AGBL4: variants seen among roughly 807,000 people sequenced by gnomAD.
The protein encoded by AGBL4 is AGBL carboxypeptidase 4.
AGBL4 carries 58 observed loss-of-function variants against 66.4 expected under a neutral mutation model. The ratio of observed to expected loss-of-function variants is 0.87; its 90% CI spans 0.71 to 1.09. The LOEUF is 1.09. AGBL4 is among the 50% of genes least tolerant of loss of function. The probability of loss-of-function intolerance (pLI) is 0.00; values close to 1 mark genes in which losing one functional copy is unlikely to be tolerated. For synonymous variants in AGBL4, 234 were observed against 222.9 expected (o/e 1.05, Z -0.44); for missense variants, 579 against 631.0 (o/e 0.92, Z 0.88).
chr1:48,717,884 G>A (rs936068075), intron 6 of AGBL4, among the ~76,000 whole-genome samples: 1 of 152,156 alleles, frequency 6.6e-6, no homozygotes, highest in Non-Finnish European at 1.5e-5. Context: ...TCTTCATCAG[G>A]AGAAATATAG....
intron 2 of AGBL4, among the ~76,000 whole-genome samples, chr1:49,735,888 A>G (rs1649846994): frequency 6.6e-6 from 1 of 152,146 alleles, no homozygotes; most frequent in Non-Finnish European, 1.5e-5. Context: ...AAAAAGAACA[A>G]CTTAATTGAA....
intron 3 of AGBL4, among the ~76,000 whole-genome samples, chr1:49,325,007 A>G: frequency 6.6e-6 from 1 of 152,192 alleles, no homozygotes. Context: ...TTATCTTAAT[A>G]TATCAGCACT....
At chr1:49,066,022 G>A (rs563230502) in intron 4 of AGBL4, among the ~76,000 whole-genome samples, 2 of 152,274 alleles carry the variant, frequency 1.3e-5, no homozygotes, top group African/African-American at 4.8e-5. Context: ...TGTTCTGCAA[G>A]CTGACAAGTT....
intron 6 of AGBL4, among the ~76,000 whole-genome samples, chr1:48,695,620 G>A (rs1428616865): frequency 2.0e-5 from 3 of 151,920 alleles, no homozygotes; most frequent in East Asian, 1.9e-4. Flanking sequence ...GGACCGGCCC[G>A]TTACAGCTTT....
At chr1:48,879,557 T>A (rs1017308808) in intron 5 of AGBL4, among the ~76,000 whole-genome samples, 23 of 152,194 alleles carry the variant, frequency 1.5e-4, no homozygotes, top group Non-Finnish European at 2.9e-4. Flanking sequence ...ATATTTTAAT[T>A]TATTTCAATT....
chr1:49,491,061 G>A (rs912216149), intron 3 of AGBL4, among the ~76,000 whole-genome samples: 1 of 151,678 alleles, frequency 6.6e-6, no homozygotes, highest in Admixed American at 6.6e-5. Context: ...TCTATTCTCA[G>A]TACTCCACAC....
chr1:49,458,472 T>C (rs906138695), intron 3 of AGBL4, among the ~76,000 whole-genome samples: 1 of 151,694 alleles, frequency 6.6e-6, no homozygotes, highest in Non-Finnish European at 1.5e-5. Context: ...TAGGATTTTC[T>C]AGGTATACAA....
intron 2 of AGBL4, chr1:49,842,304 CA>C (rs1646017069): frequency 2.0e-6 from 1 of 492,086 alleles, no homozygotes; most frequent in Non-Finnish European, 3.7e-6. Flanking sequence ...CATTGGTTAC[CA>C]AAGCCAAACA....
intron 1 of AGBL4, among the ~76,000 whole-genome samples, chr1:49,973,699 T>C (rs2148368993): frequency 6.7e-6 from 1 of 148,672 alleles, no homozygotes; most frequent in African/African-American, 2.4e-5. Context: ...ATGATATTGT[T>C]ATATATCATA....
intron 3 of AGBL4, among the ~76,000 whole-genome samples, chr1:49,601,325 T>C (rs1644953843): frequency 2.0e-5 from 3 of 152,142 alleles, no homozygotes; most frequent in Admixed American, 2.0e-4. Context: ...TTTGTTCATT[T>C]CTTTTCATTC....
chr1:49,460,986 T>C (rs571430277), intron 3 of AGBL4, among the ~76,000 whole-genome samples: 2 of 151,848 alleles, frequency 1.3e-5, no homozygotes, highest in South Asian at 4.2e-4. Flanking sequence ...TGACAGGTTT[T>C]CCTTTGTAGG....
At chr1:49,110,203 C>T (rs1645378901) in intron 4 of AGBL4, among the ~76,000 whole-genome samples, 1 of 152,128 alleles carries the variant, frequency 6.6e-6, no homozygotes, top group Non-Finnish European at 1.5e-5. Context: ...CTTTCAATTC[C>T]TTTGCCTCTA....
intron 6 of AGBL4, among the ~76,000 whole-genome samples, chr1:48,816,924 G>A (rs6682592): frequency 0.036 from 5,502 of 152,290 alleles, 332 homozygotes; most frequent in African/African-American, 0.12. Flanking sequence ...GAGGGGCTTA[G>A]AGAATGCCCT....
intron 1 of AGBL4, among the ~76,000 whole-genome samples, chr1:49,967,309 T>C (rs1214622168): frequency 6.6e-6 from 1 of 152,128 alleles, no homozygotes; most frequent in Non-Finnish European, 1.5e-5. Context: ...GTGGCACATA[T>C]ACACCATGGA....
chr1:48,618,828 G>A (rs548701507), intron 9 of AGBL4, among the ~76,000 whole-genome samples: 5 of 152,106 alleles, frequency 3.3e-5, no homozygotes, highest in Admixed American at 6.5e-5. Flanking sequence ...ACAGTGGTCG[G>A]GGGAGGAGTG....
intron 4 of AGBL4, among the ~76,000 whole-genome samples, chr1:49,081,025 T>C (rs1644800698): frequency 6.6e-6 from 1 of 152,186 alleles, no homozygotes; most frequent in Non-Finnish European, 1.5e-5. Flanking sequence ...GAAACTTCTC[T>C]GAGACACATT....
At chr1:49,892,262 A>G (rs1648729940) in intron 1 of AGBL4, among the ~76,000 whole-genome samples, 1 of 152,206 alleles carries the variant, frequency 6.6e-6, no homozygotes, top group African/African-American at 2.4e-5. Context: ...TTTAATATGT[A>G]TTCTCTATCA....
chr1:48,685,696 C>T (rs1035312957), intron 6 of AGBL4, among the ~76,000 whole-genome samples: 9 of 152,198 alleles, frequency 5.9e-5, no homozygotes, highest in Admixed American at 2.0e-4. Flanking sequence ...AACTAGCCCA[C>T]GGCCTGGCAT....
In AGBL4 at chr1:48,719,425, C is replaced by T. The variant is rs556068542; in HGVS notation, c.635-56184G>A. Among the ~76,000 whole-genome samples the T allele has an allele frequency of 3.3e-5, 5 of 152,298 alleles. No homozygotes were observed. The South Asian group carries it at 8.3e-4, about 25-fold the overall frequency. On this transcript the variant is annotated intron_variant, in intron 6 of 13. Transcript: ENST00000371839. ...CATCATCTCTCACCTGAGTTATTCC[C>T]CCAATAGCCTTCTCAACTCCTCCCT...
Sources: gnomAD v4.1 joint callset for allele counts (sites outside exome capture counted in the v4.1 genomes callset) on GRCh38, gnomAD v4.1.1 for gene constraint, MANE v1.5 for transcripts, NCBI Gene and HGNC (gene_info 2026-07-23, HGNC 2026-07-21) for gene names.